HPGD: variants seen among roughly 807,000 people sequenced by gnomAD.
HPGD encodes the protein 15-hydroxyprostaglandin dehydrogenase.
HPGD carries 29 observed loss-of-function variants against 30.0 expected under a neutral mutation model. That is an observed-to-expected ratio of 0.97 (90% CI 0.72 to 1.32). HPGD has a LOEUF of 1.32. Ranked by LOEUF, HPGD falls within the 40% of genes most tolerant of loss-of-function variation. The pLI is 0.00. For synonymous variants in HPGD, 99 were observed against 112.4 expected (o/e 0.88, Z 0.75); for missense variants, 340 against 322.1 (o/e 1.06, Z -0.43).
At chr4:174,521,610 C>G (rs1296076002) in intron 2 of HPGD, among the ~76,000 whole-genome samples, 1 of 152,228 alleles carries the variant, frequency 6.6e-6, no homozygotes, top group African/African-American at 2.4e-5. Context: ...ACTTAACCTA[C>G]TTTAATTTTC....
At position 174,522,125 on chromosome 4, in the gene HPGD, A is replaced by T. The variant is rs1055631260; in HGVS notation, c.94-58T>A. On this transcript the variant is annotated intron_variant, in intron 1 of 6. Coordinates refer to ENST00000296522, the MANE Select transcript of HPGD (RefSeq NM_000860.6). ...CGCAGCTCACGAAATAGACGGACAA[A>T]CAATAAACACACAAGAGGCTCCCCT... is the stretch of plus-strand genomic sequence containing the variant. 56 of 1,612,204 alleles carry T rather than the reference A, an allele frequency of 3.5e-5. No homozygotes were observed. The Admixed American group carries it at 9.2e-4, about 26-fold the overall frequency.
At chr4:174,497,077 T>C (rs45557833) in intron 4 of HPGD, among the ~76,000 whole-genome samples, 6,987 of 152,272 alleles carry the variant, frequency 0.046, 542 homozygotes, top group African/African-American at 0.16. Context: ...AACCAGGAGT[T>C]GCTGCTTCTG....
intron 4 of HPGD, among the ~76,000 whole-genome samples, chr4:174,503,011 G>A (rs1734996671): frequency 6.6e-6 from 1 of 152,176 alleles, no homozygotes; most frequent in Non-Finnish European, 1.5e-5. Context: ...TATTAAATCT[G>A]AGAAGCACTG....
rs1356225850 is a variant in HPGD at position 174,522,427 on chromosome 4, G to A, written c.25C>T (p.Leu9=). ...ATGCCCTGAGCCGCGCCGGTCACCA[G>A]CGCCACTTTGCCGTTCACGTGCATG... The part of the protein sequence containing the change: MHVNGKVA[L]VTGAAQGIGR... Residue 9 remains leucine (L), a synonymous_variant, in exon 1 of 7, where the codon CTG becomes TTG. Transcript: ENST00000296522. 6.3e-7 allele frequency: 1 copy of A among 1,582,954 alleles called. No homozygotes were observed. The highest frequency in any genetic ancestry group is 1.1e-5 in the South Asian group (1 of 87,232).
chr4:174,501,190 C>G (rs753410778), intron 4 of HPGD, among the ~76,000 whole-genome samples: 5 of 152,082 alleles, frequency 3.3e-5, no homozygotes, highest in Non-Finnish European at 5.9e-5. Flanking sequence ...TGGAATTTTA[C>G]CGGTTGAAGA....
At chr4:174,502,411 G>A (rs980258918) in intron 4 of HPGD, among the ~76,000 whole-genome samples, 1 of 151,946 alleles carries the variant, frequency 6.6e-6, no homozygotes, top group East Asian at 1.9e-4. Context: ...GGGCGCGGTG[G>A]CTGACGCCTG....
chr4:174,501,051 A>G (rs1223899651), intron 4 of HPGD, among the ~76,000 whole-genome samples: 1 of 152,204 alleles, frequency 6.6e-6, no homozygotes, highest in Non-Finnish European at 1.5e-5. Context: ...CAGGCTCTAC[A>G]GAAGTAAATT....
In HPGD at chr4:174,508,697, T is replaced by G. The variant is rs1340475192; in HGVS notation, c.420A>C (p.Ala140=). 6.4e-7 allele frequency: 1 copy of G among 1,571,538 alleles called. No individual in the cohort carries two copies. The highest frequency in any genetic ancestry group is 1.1e-5 in the South Asian group (1 of 90,238). The part of the protein sequence containing the change: ...GGIIINMSSL[A]GLMPVAQQPV... ...ATTTAATGTAATAATTGCCCTTACC[T>G]GCTAAAGATGACATATTGATAATGA... The change falls in exon 4 of 7, where the codon GCA becomes GCC. Residue 140 remains alanine, a splice_region_variant and synonymous_variant. Transcript: ENST00000296522.
At chr4:174,497,554 CTTTCTT>C (rs1164377637) in intron 4 of HPGD, among the ~76,000 whole-genome samples, 20 of 56,196 alleles carry the variant, frequency 3.6e-4, no homozygotes, top group East Asian at 3.2e-4. Flanking sequence ...ACTTTCTTTT[CTTTCTT>C]TTTCTTTCTT....
At chr4:174,511,619 T>G (rs1403231760) in intron 3 of HPGD, among the ~76,000 whole-genome samples, 1 of 152,198 alleles carries the variant, frequency 6.6e-6, no homozygotes, top group Non-Finnish European at 1.5e-5. Flanking sequence ...TTGCAAAGAC[T>G]CATTCTTTCC....
intron 3 of HPGD, among the ~76,000 whole-genome samples, chr4:174,510,341 CATTA>C (rs1579292963): frequency 6.6e-6 from 1 of 152,106 alleles, no homozygotes; most frequent in African/African-American, 2.4e-5. Context: ...AAAACCAAAA[CATTA>C]ATTGTTTATA....
intron 2 of HPGD, among the ~76,000 whole-genome samples, chr4:174,518,989 T>G (rs532568843): frequency 1.3e-5 from 2 of 151,746 alleles, no homozygotes; most frequent in African/African-American, 2.4e-5. Flanking sequence ...TATCAAGTCC[T>G]TAAAAAAAGT....
In HPGD at chr4:174,496,302, A is replaced by G. The variant is rs900544211; in HGVS notation, c.422-678T>C. 6.6e-6 allele frequency among the ~76,000 whole-genome samples: 1 copy of G among 152,212 alleles called. No homozygotes were observed. Among genetic ancestry groups the G allele is most frequent in the Non-Finnish European group, 1.5e-5 (1 of 68,034 alleles). ...TCAACTATGAAATTCAATCAATTAC[A>G]GAATGTTTTATTTTGTAATTTTCCA... On this transcript the variant is annotated intron_variant, in intron 4 of 6. Coordinates refer to ENST00000296522, the MANE Select transcript of HPGD (RefSeq NM_000860.6). The surrounding 1 kb of genome is among the most constrained non-coding windows in gnomAD (Gnocchi z 4.6).
At chr4:174,502,333 A>G (rs1734943099) in intron 4 of HPGD, among the ~76,000 whole-genome samples, 1 of 152,086 alleles carries the variant, frequency 6.6e-6, no homozygotes, top group Admixed American at 6.5e-5. Flanking sequence ...TTTTTTTCTC[A>G]TTCTTATGGG....
At chr4:174,510,559 G>A (rs940344985) in intron 3 of HPGD, among the ~76,000 whole-genome samples, 19 of 152,162 alleles carry the variant, frequency 1.2e-4, no homozygotes, top group African/African-American at 4.6e-4. Flanking sequence ...GAAAATTTGA[G>A]ATTTTTTAAG....
At chr4:174,504,933 T>C (rs1735113775) in intron 4 of HPGD, among the ~76,000 whole-genome samples, 1 of 152,246 alleles carries the variant, frequency 6.6e-6, no homozygotes, top group African/African-American at 2.4e-5. Context: ...TTCGTTCTTC[T>C]ATTGTTCCTT....
In HPGD at chr4:174,508,189, A is replaced by G. The variant is rs566072137; in HGVS notation, c.421+507T>C. The G allele has an allele frequency of 9.6e-5, 67 of 696,440 alleles. 1 individual carries two copies. The highest frequency in any genetic ancestry group is 1.4e-4 in the Non-Finnish European group (54 of 381,730). 43.1% of individuals were successfully genotyped at this position (696,440 alleles called of 1,614,324 possible). Reference sequence around the variant, plus strand: ...TCTGCATACAGAAGAGATACCTGCAACAAGGATCTTGCCTCAGACTGATGT... The same window carrying G: ...TCTGCATACAGAAGAGATACCTGCAGCAAGGATCTTGCCTCAGACTGATGT... On this transcript the variant is annotated intron_variant, in intron 4 of 6. Transcript: ENST00000296522.
intron 4 of HPGD, among the ~76,000 whole-genome samples, chr4:174,497,094 G>A (rs1352327103): frequency 6.6e-6 from 1 of 152,192 alleles, no homozygotes; most frequent in Admixed American, 6.5e-5. Context: ...TCTGGTTCTT[G>A]TTAGTCCCTG....
Position 174,491,943 on chromosome 4 carries a change from A to G in HPGD, c.*13T>C. On this transcript the variant is annotated 3_prime_UTR_variant, in exon 7 of 7. Coordinates refer to ENST00000296522, the MANE Select transcript of HPGD (RefSeq NM_000860.6). The stretch of plus-strand genomic sequence containing the variant: ...TTGTGCTTATTTTCAGCTATGGCTA[A>G]CACATAAGCTGTTCATTGGGTTTTT... 6.2e-7 allele frequency: 1 copy of G among 1,606,648 alleles called. No individual in the cohort carries two copies. Among genetic ancestry groups the G allele is most frequent in the Non-Finnish European group, 8.5e-7 (1 of 1,173,678 alleles).
Sources: allele counts gnomAD v4.1 joint callset (sites outside exome capture counted in the v4.1 genomes callset), GRCh38; gene constraint gnomAD v4.1.1; non-coding constraint Gnocchi (gnomAD v3.1); transcripts MANE v1.5; gene names NCBI Gene and HGNC (gene_info 2026-07-23, HGNC 2026-07-21).